Variants in NBPF9 observed in about 807,000 individuals in gnomAD.
The protein encoded by NBPF9 is NBPF family member NBPF9.
A neutral mutation model predicts 97.8 loss-of-function variants in NBPF9; 91 were observed. The ratio of observed to expected loss-of-function variants is 0.93; its 90% confidence interval spans 0.79 to 1.11. The LOEUF is 1.11. NBPF9 is among the 50% of genes least tolerant of loss of function. The probability of loss-of-function intolerance (pLI) is 0.00; values close to 1 mark genes in which losing one functional copy is unlikely to be tolerated. For missense variants in NBPF9, 992 were observed against 939.5 expected (o/e 1.06, Z -0.73); for synonymous variants, 334 against 359.5 (o/e 0.93, Z 0.80).
chr1:149,079,606 G>A (rs1261249848), intron 8 of NBPF9, among the ~76,000 whole-genome samples: 1 of 148,996 alleles, frequency 6.7e-6, no homozygotes, highest in Non-Finnish European at 1.5e-5. Context: ...AATGAGGCCA[G>A]GGGCAGATGG....
Position 149,070,924 on chromosome 1 carries a change from C to G in NBPF9, c.1585+10G>C, listed in dbSNP as rs782302652. 2 of 1,612,188 alleles carry G rather than the reference C, an allele frequency of 1.2e-6. No individual in the cohort carries two copies. The highest frequency in any genetic ancestry group is 1.7e-6 in the Non-Finnish European group (2 of 1,179,800). ...AGAGAGGTATGAGACACAAGGAAAA[C>G]AGAGGCTACCTGGAATAATGTGTAC... is the stretch of plus-strand genomic sequence containing the variant. On this transcript the variant is annotated intron_variant, in intron 16 of 29. Transcript: ENST00000584027.
chr1:149,087,377 A>G (rs1306040985), intron 5 of NBPF9, among the ~76,000 whole-genome samples: 1 of 149,434 alleles, frequency 6.7e-6, no homozygotes, highest in Non-Finnish European at 1.5e-5. Context: ...GTGTATACAT[A>G]TATATATGTC....
chr1:149,079,425 G>A (rs1215185756), intron 8 of NBPF9, among the ~76,000 whole-genome samples: 1 of 151,756 alleles, frequency 6.6e-6, no homozygotes, highest in African/African-American at 2.4e-5. Context: ...GCTCCTGCAA[G>A]ATCCTCGATG....
intron 10 of NBPF9, 94 bp from the exon 11 acceptor site, chr1:149,077,513 G>C (rs587691183): frequency 6.4e-6 from 10 of 1,562,958 alleles, no homozygotes; most frequent in Non-Finnish European, 7.9e-6. Flanking sequence ...GCGGCATTAA[G>C]AGAGTGGTTC....
chr1:149,078,210 TG>T (rs1214387559), intron 9 of NBPF9, among the ~76,000 whole-genome samples: 6 of 150,980 alleles, frequency 4.0e-5, no homozygotes, highest in African/African-American at 1.5e-4. Flanking sequence ...ACTGAAGGCT[TG>T]TGCAGCCTCT....
rs782642164 is a variant in NBPF9 at position 149,055,728 on chromosome 1, G to C, written c.3264C>G (p.Asp1088Glu). The C allele has an allele frequency of 5.6e-6, 9 of 1,611,710 alleles. No homozygotes were observed. In the East Asian group the frequency reaches 1.6e-4, roughly 28 times the overall value. Residue 1088 changes from aspartate (D) to glutamate (E), a missense_variant, in exon 30 of 30, where the codon GAC (aspartate) becomes GAG (glutamate). Transcript: ENST00000584027. ...TCACCGTCAAAGTAAAAAACCTATT[G>C]TCCACGTAAAGGGCGAAGCTGATGT...
chr1:149,090,076 T>C (rs1250031680), intron 5 of NBPF9: 1 of 151,460 alleles, frequency 6.6e-6, no homozygotes, highest in Non-Finnish European at 1.5e-5. Flanking sequence ...AGTTTATTTC[T>C]CCTTCATCAT....
rs1385892753 is a variant in NBPF9, at chr1:149,102,859, G to T, written c.-842-12C>A. The T allele has an allele frequency of 2.0e-5, 3 of 151,740 alleles. No homozygotes were observed. The highest frequency in any genetic ancestry group is 7.3e-5 in the African/African-American group (3 of 41,272). The allele number at this position is 151,740 out of a possible 1,614,324, so 9.4% of individuals were successfully genotyped here. On this transcript the variant is annotated splice_polypyrimidine_tract_variant and intron_variant, in intron 1 of 29. Transcript: ENST00000584027. ...TGCCCATCACCAGCCTGGAGAAACCGCCAGGAGCAGAATCCCGGAGGCCAA... is the reference window on the plus strand; with the variant it reads ...TGCCCATCACCAGCCTGGAGAAACCTCCAGGAGCAGAATCCCGGAGGCCAA...
chr1:149,056,104 AAAGACAG>A (rs2078218100), intron 29 of NBPF9, among the ~76,000 whole-genome samples: 1 of 117,354 alleles, frequency 8.5e-6, no homozygotes, highest in African/African-American at 2.9e-5. Flanking sequence ...ACAGAGAGAG[AAAGACAG>A]AGACAGAGAC....
In NBPF9 at chr1:149,077,809, G is replaced by A. The variant is rs1218347356; in HGVS notation, c.566+74C>T. 3.8e-5 allele frequency: 61 copies of A among 1,585,704 alleles called. 2 individuals are homozygous for A. Among genetic ancestry groups the A allele is most frequent in the Non-Finnish European group, 5.0e-5 (58 of 1,156,024 alleles). The stretch of plus-strand genomic sequence containing the variant: ...TGCGGGCTTTTGGCCCACCATAGAT[G>A]CCAGAGAGGGTGTGCCTCCTAGACA... On this transcript the variant is annotated intron_variant, in intron 10 of 29. Transcript: ENST00000584027.
chr1:149,064,677 C>G, intron 18 of NBPF9, 195 bp from the exon 19 acceptor site: 2 of 610,486 alleles, frequency 3.3e-6, no homozygotes, highest in Non-Finnish European at 5.8e-6. Context: ...GAGCCTTGGG[C>G]AAAATTCCCC....
rs1396759881 is a variant in NBPF9, at chr1:149,098,991, G to A, written c.-605-285C>T. ...GCTACTCGGAAGGTTGAGGCAGGAG[G>A]ATTCCTTGAGCCTTGAATTAGAGGT... On this transcript the variant is annotated intron_variant, in intron 3 of 29. Transcript: ENST00000584027. Among the ~76,000 whole-genome samples, 88 of 143,046 alleles carry A rather than the reference G, an allele frequency of 6.2e-4. No individual in the cohort carries two copies. The Middle Eastern group carries it at 0.01, about 17-fold the overall frequency. The allele number at this position is 143,046 out of a possible 152,430, so 93.8% of individuals were successfully genotyped here.
At chr1:149,072,357 A>T (rs622336) in intron 14 of NBPF9, among the ~76,000 whole-genome samples, 225 of 150,622 alleles carry the variant, frequency 1.5e-3, no homozygotes, top group Middle Eastern at 3.4e-3. Context: ...CTCTGACAGT[A>T]ACTAAGAACA....
chr1:149,100,170 AT>A (rs2082055793), intron 3 of NBPF9, among the ~76,000 whole-genome samples: 1 of 141,140 alleles, frequency 7.1e-6, no homozygotes, highest in African/African-American at 2.7e-5. Flanking sequence ...TGACAGGAAG[AT>A]TGTAAAAATT....
In NBPF9 at chr1:149,060,411, C is replaced by T; in HGVS notation, c.2476+112G>A. ...TTCAACCTACATGTGCCTATAGGTCCTCCCTGTGGCAATGACATCTCTCAG... is the reference window on the plus strand; with the variant it reads ...TTCAACCTACATGTGCCTATAGGTCTTCCCTGTGGCAATGACATCTCTCAG... On this transcript the variant is annotated intron_variant, in intron 24 of 29. Transcript: ENST00000584027. The T allele has an allele frequency of 5.2e-6, 2 of 382,838 alleles. 1 individual carries two copies. Among genetic ancestry groups the T allele is most frequent in the South Asian group, 5.5e-5 (2 of 36,622 alleles). 23.7% of individuals were successfully genotyped at this position (382,838 alleles called of 1,614,324 possible). A position where few individuals can be genotyped will look rare whatever the true frequency, so the allele number is the denominator to read the frequency against.
chr1:149,053,842 T>C (rs1559512963), downstream of NBPF9, among the ~76,000 whole-genome samples: 1 of 147,430 alleles, frequency 6.8e-6, no homozygotes, highest in Non-Finnish European at 1.5e-5. Flanking sequence ...TAGTGCAATA[T>C]TTAACATGAG....
At chr1:149,099,135 A>G (rs2081979086) in intron 3 of NBPF9, among the ~76,000 whole-genome samples, 2 of 152,194 alleles carry the variant, frequency 1.3e-5, no homozygotes, top group Admixed American at 6.5e-5. Context: ...GGCAGATCTT[A>G]GTGAACAAGA....
At chr1:149,076,572 G>C (rs1414983883) in intron 11 of NBPF9, among the ~76,000 whole-genome samples, 1 of 148,942 alleles carries the variant, frequency 6.7e-6, no homozygotes, top group African/African-American at 2.5e-5. Context: ...GCACAATCTC[G>C]GCTCACTGCA....
intron 29 of NBPF9, among the ~76,000 whole-genome samples, chr1:149,056,173 A>G (rs604122): frequency 6.7e-6 from 1 of 150,086 alleles, no homozygotes; most frequent in Non-Finnish European, 1.5e-5. Flanking sequence ...GTAAGGGAGT[A>G]AAAGGACACT....
Sources: allele counts gnomAD v4.1 joint callset (sites outside exome capture counted in the v4.1 genomes callset), GRCh38; gene constraint gnomAD v4.1.1; transcripts MANE v1.5; gene names NCBI Gene and HGNC (gene_info 2026-07-23, HGNC 2026-07-21).